ECD: variants seen among roughly 807,000 people sequenced by gnomAD.
The protein encoded by ECD is ecdysoneless cell cycle regulator.
A neutral mutation model predicts 77.2 loss-of-function variants in ECD; 59 were observed. The observed-to-expected ratio is 0.76, with a 90% confidence interval of 0.62 to 0.95. The LOEUF (loss-of-function observed/expected upper bound fraction) is 0.95, where lower values mean the gene tolerates loss of function less well. ECD is among the 40% of genes least tolerant of loss of function. The probability of loss-of-function intolerance (pLI) is 0.00; values close to 1 mark genes in which losing one functional copy is unlikely to be tolerated. For missense variants in ECD, 704 were observed against 763.4 expected (o/e 0.92, Z 0.92); for synonymous variants, 233 against 267.4 (o/e 0.87, Z 1.26).
intron 11 of ECD, 93 bp downstream of exon 11, chr10:73,139,216 C>CAAAAAA: frequency 6.6e-6 from 7 of 1,065,036 alleles, no homozygotes; most frequent in Non-Finnish European, 8.8e-6. Context: ...CTCATTTACT[C>CAAAAAA]AAAAAAAAAA....
intron 7 of ECD, among the ~76,000 whole-genome samples, chr10:73,149,617 T>C (rs2133259754): frequency 6.6e-6 from 1 of 152,332 alleles, no homozygotes; most frequent in South Asian, 2.1e-4. Flanking sequence ...CTAATGTAAG[T>C]ATTCTGAGCC....
chr10:73,134,526 A>C lies in ECD; in HGVS notation c.*57T>G. On this transcript the variant is annotated 3_prime_UTR_variant, in exon 14 of 14. Transcript: ENST00000372979. ...AAATGAGTAATCTAAACTAGAAATG[A>C]ACAGAATCATATTCAATATTTATTT... 6.9e-7 allele frequency: 1 copy of C among 1,448,780 alleles called. No homozygotes were observed. 89.7% of individuals were successfully genotyped at this position (1,448,780 alleles called of 1,614,324 possible). A position where few individuals can be genotyped will look rare whatever the true frequency, so the allele number is the denominator to read the frequency against.
chr10:73,139,017 A>G (rs1843014034), intron 11 of ECD, among the ~76,000 whole-genome samples: 1 of 152,196 alleles, frequency 6.6e-6, no homozygotes, highest in South Asian at 2.1e-4. Context: ...GTTGAAAGTT[A>G]AATGTTGAGC....
chr10:73,139,392 C>T lies in ECD; in HGVS notation c.1338G>A (p.Gln446=), dbSNP rs767991255. The change falls in exon 11 of 14, where the codon CAG becomes CAA. Residue 446 remains glutamine (Q), a synonymous_variant. Transcript: ENST00000372979. ...SESVSKEEKE[Q]NYDLTEVSES... is the part of the protein sequence containing the mutation. The stretch of plus-strand genomic sequence containing the variant: ...CTGAGACTTCAGTTAAGTCATAGTT[C>T]TGCTCCTTCTCCTCCTTGGAAACAG... 1 of 1,614,138 alleles carries T rather than the reference C, an allele frequency of 6.2e-7. No individual in the cohort carries two copies. The highest frequency in any genetic ancestry group is 1.7e-5 in the Admixed American group (1 of 60,016).
intron 7 of ECD, among the ~76,000 whole-genome samples, chr10:73,150,766 A>G (rs932289276): frequency 2.6e-5 from 4 of 152,268 alleles, no homozygotes; most frequent in Non-Finnish European, 4.4e-5. Context: ...CAAAAGACAC[A>G]TGAAAAAATG....
At chr10:73,158,863 C>T (rs1186413595) in intron 3 of ECD, among the ~76,000 whole-genome samples, 1 of 151,836 alleles carries the variant, frequency 6.6e-6, no homozygotes, top group African/African-American at 2.4e-5. Flanking sequence ...AATAGTAAGA[C>T]CCCGTCTTTA....
intron 8 of ECD, among the ~76,000 whole-genome samples, 171 bp from the exon 9 acceptor site, chr10:73,146,532 T>C (rs1843131005): frequency 6.6e-6 from 1 of 152,252 alleles, no homozygotes; most frequent in Admixed American, 6.5e-5. Context: ...CTCCAGTTTC[T>C]TCAAATGAGG....
In ECD at chr10:73,137,984, A is replaced by G; in HGVS notation, c.1489+19T>C. The stretch of plus-strand genomic sequence containing the variant: ...ACTAACAGTTTCAAAATGAAAGTCA[A>G]CATCACACCACTACTTACCTAAAAT... On this transcript the variant is annotated intron_variant, in intron 12 of 13. Coordinates refer to ENST00000372979, the MANE Select transcript of ECD (RefSeq NM_007265.3). 1 of 1,555,920 alleles carries G rather than the reference A, an allele frequency of 6.4e-7. No homozygotes were observed. The highest frequency in any genetic ancestry group is 8.7e-7 in the Non-Finnish European group (1 of 1,153,576).
intron 9 of ECD, among the ~76,000 whole-genome samples, chr10:73,143,501 T>C (rs1208649808): frequency 6.6e-6 from 1 of 152,236 alleles, no homozygotes; most frequent in African/African-American, 2.4e-5. Flanking sequence ...TTTTTATATG[T>C]GTAACATCCA....
At chr10:73,153,725 CAAAAAAAAA>C (rs201711578) in intron 6 of ECD, among the ~76,000 whole-genome samples, 3 of 41,334 alleles carry the variant, frequency 7.3e-5, no homozygotes, top group Non-Finnish European at 1.2e-4. Flanking sequence ...GACTCTGTCT[CAAAAAAAAA>C]AAAAAAAAAA....
chr10:73,165,262 C>T (rs886149376), intron 1 of ECD, among the ~76,000 whole-genome samples: 1 of 152,164 alleles, frequency 6.6e-6, no homozygotes, highest in Admixed American at 6.5e-5. Context: ...ACATTCATGT[C>T]CTGTCATTTT....
chr10:73,155,145 A>C (rs1390473036), intron 5 of ECD, among the ~76,000 whole-genome samples: 1 of 151,726 alleles, frequency 6.6e-6, no homozygotes, highest in Non-Finnish European at 1.5e-5. Flanking sequence ...ACCTCCCTGC[A>C]ACCTCCACCT....
At chr10:73,135,036 G>C (rs1202589942) in intron 13 of ECD, among the ~76,000 whole-genome samples, 1 of 152,094 alleles carries the variant, frequency 6.6e-6, no homozygotes, top group African/African-American at 2.4e-5. Context: ...TTCTCTCCAG[G>C]AAAGATTCCT....
chr10:73,139,541 G>C, intron 10 of ECD, 46 bp from the exon 11 acceptor site: 1 of 1,601,734 alleles, frequency 6.2e-7, no homozygotes, highest in Non-Finnish European at 8.5e-7. Context: ...ATTCACATAA[G>C]TCCTCTTAGG....
At chr10:73,164,346 C>T (rs1394616344) in intron 1 of ECD, among the ~76,000 whole-genome samples, 1 of 147,432 alleles carries the variant, frequency 6.8e-6, no homozygotes, top group African/African-American at 2.5e-5. Flanking sequence ...AGCAAGACTC[C>T]AACTAAAAAA....
chr10:73,148,043 G>C (rs893991306), intron 8 of ECD, among the ~76,000 whole-genome samples: 8 of 152,164 alleles, frequency 5.3e-5, no homozygotes, highest in Admixed American at 4.6e-4. Context: ...ATCTGGTACA[G>C]ATAATCACTT....
At chr10:73,165,322 A>G (rs1029637407) in intron 1 of ECD, among the ~76,000 whole-genome samples, 3 of 151,658 alleles carry the variant, frequency 2.0e-5, no homozygotes, top group Non-Finnish European at 2.9e-5. Context: ...GATGGTAGGT[A>G]TATCTTTCTT....
In ECD at chr10:73,152,325, G is replaced by T; in HGVS notation, c.880C>A (p.Gln294Lys). The change falls in exon 7 of 14, where the codon CAG (glutamine) becomes AAG (lysine). Residue 294 changes from glutamine to lysine, a missense_variant. Transcript: ENST00000372979. ...ATGCCCAATTCATGGGCTCGGTACT[G>T]GGGATCAGATGGAGGAGGCAGCCTG... ...GYRLPPPSDP[Q>K]YRAHELGMKL... 1 of 1,613,852 alleles carries T rather than the reference G, an allele frequency of 6.2e-7. No homozygotes were observed. Among genetic ancestry groups the T allele is most frequent in the Non-Finnish European group, 8.5e-7 (1 of 1,179,828 alleles).
At chr10:73,148,547 G>A (rs1843158122) in intron 7 of ECD, 143 bp from the exon 8 acceptor site, 1 of 818,742 alleles carries the variant, frequency 1.2e-6, no homozygotes, top group African/African-American at 1.8e-5. Context: ...AACACTTTTT[G>A]AATTTTATGA....
Sources: gnomAD v4.1 joint callset for allele counts (sites outside exome capture counted in the v4.1 genomes callset) on GRCh38, gnomAD v4.1.1 for gene constraint, MANE v1.5 for transcripts, NCBI Gene and HGNC (gene_info 2026-07-23, HGNC 2026-07-21) for gene names.